Variants in CTNNBIP1 observed in about 807,000 individuals in gnomAD.
CTNNBIP1 encodes the protein beta-catenin-interacting protein 1.
In CTNNBIP1, 7 loss-of-function variants were observed where a neutral mutation model predicts 11.8. That is an observed-to-expected ratio of 0.60 (90% CI 0.34 to 1.12). The LOEUF (loss-of-function observed/expected upper bound fraction) is 1.12, where lower values mean the gene tolerates loss of function less well. CTNNBIP1 is among the 50% of genes most tolerant of loss of function. The pLI is 0.03. For missense variants in CTNNBIP1, 101 were observed against 113.4 expected (o/e 0.89, Z 0.50); for synonymous variants, 58 against 43.9 (o/e 1.32, Z -1.26).
intron 3 of CTNNBIP1, among the ~76,000 whole-genome samples, chr1:9,876,016 CA>C (rs773872472): frequency 5.9e-5 from 9 of 152,176 alleles, no homozygotes; most frequent in Non-Finnish European, 8.8e-5. Context: ...ATATTTTTAT[CA>C]CAATTCTGAC....
At chr1:9,860,578 C>G (rs1305341453) in intron 5 of CTNNBIP1, among the ~76,000 whole-genome samples, 1 of 147,260 alleles carries the variant, frequency 6.8e-6, no homozygotes. Context: ...CCACTGCATT[C>G]TGCATTCTGG....
At chr1:9,869,697 T>G (rs966968226) in intron 5 of CTNNBIP1, among the ~76,000 whole-genome samples, 1 of 152,146 alleles carries the variant, frequency 6.6e-6, no homozygotes, top group African/African-American at 2.4e-5. Context: ...CCCAAGAGTA[T>G]TCAACTGGAG....
intron 1 of CTNNBIP1, among the ~76,000 whole-genome samples, chr1:9,901,148 T>C (rs1356046059): frequency 6.6e-6 from 1 of 152,206 alleles, no homozygotes; most frequent in South Asian, 2.1e-4. Context: ...TAAAATGTCA[T>C]CTACCTGGAA....
chr1:9,883,173 C>T lies in CTNNBIP1; in HGVS notation c.-110+532G>A, dbSNP rs1639118668. Among the ~76,000 whole-genome samples, 2 of 152,156 alleles carry T rather than the reference C, an allele frequency of 1.3e-5. No homozygotes were observed. The highest frequency in any genetic ancestry group is 2.1e-4 in the South Asian group (1 of 4,834). ...AGCCTCTCTCTGGAAGGAAGTCCAA[C>T]CTGCCAAGCGGAGGGCATTGGGCCC... On this transcript the variant is annotated intron_variant, in intron 2 of 5. Transcript: ENST00000377263. This position sits in a 1 kb window ranked among gnomAD's most constrained non-coding sequence, Gnocchi z 5.6.
intron 5 of CTNNBIP1, among the ~76,000 whole-genome samples, chr1:9,856,357 AAAAT>A (rs1260731212): frequency 1.3e-5 from 2 of 152,082 alleles, no homozygotes; most frequent in South Asian, 2.1e-4. Flanking sequence ...GCAACAGAAA[AAAAT>A]AAATAAATAA....
chr1:9,850,808 G>A (rs1392529669), intron 5 of CTNNBIP1, 32 bp from the exon 6 acceptor site: 2 of 1,607,794 alleles, frequency 1.2e-6, no homozygotes, highest in Non-Finnish European at 1.7e-6. Context: ...TCGCTGATGG[G>A]GCTTGCAGCA....
At chr1:9,886,569 T>A (rs1251515621) in intron 1 of CTNNBIP1, among the ~76,000 whole-genome samples, 1 of 152,176 alleles carries the variant, frequency 6.6e-6, no homozygotes, top group Non-Finnish European at 1.5e-5. Flanking sequence ...CCTACAGGGC[T>A]TTACAAATGG....
At chr1:9,860,632 A>G (rs1317331331) in intron 5 of CTNNBIP1, among the ~76,000 whole-genome samples, 1 of 150,812 alleles carries the variant, frequency 6.6e-6, no homozygotes, top group Non-Finnish European at 1.5e-5. Context: ...AAAAAAAAAA[A>G]AAAGAAAAAA....
intron 1 of CTNNBIP1, among the ~76,000 whole-genome samples, chr1:9,895,639 G>A (rs1639394510): frequency 6.6e-6 from 1 of 151,952 alleles, no homozygotes; most frequent in East Asian, 1.9e-4. Context: ...GGGACTATAG[G>A]TGCACGCCAC....
intron 5 of CTNNBIP1, among the ~76,000 whole-genome samples, chr1:9,866,969 G>A (rs946272889): frequency 2.6e-5 from 4 of 152,112 alleles, no homozygotes; most frequent in East Asian, 1.9e-4. Context: ...CTCGGGCGCC[G>A]TGTACTTGCT....
chr1:9,855,898 AT>A (rs904250763), intron 5 of CTNNBIP1, among the ~76,000 whole-genome samples: 1 of 150,746 alleles, frequency 6.6e-6, no homozygotes, highest in African/African-American at 2.4e-5. Context: ...CGGCTAATTA[AT>A]TTTTTTTTGG....
chr1:9,891,408 A>T (rs1639297431), intron 1 of CTNNBIP1, among the ~76,000 whole-genome samples: 3 of 152,168 alleles, frequency 2.0e-5, no homozygotes, highest in African/African-American at 7.2e-5. Context: ...TAATTGGTTC[A>T]AACAAACAAG....
At position 9,867,158 on chromosome 1, in the gene CTNNBIP1, G is replaced by A. The variant is rs1255397818; in HGVS notation, c.187+4029C>T. Among the ~76,000 whole-genome samples, 2 of 152,304 alleles carry A rather than the reference G, an allele frequency of 1.3e-5. No homozygotes were observed. The highest frequency in any genetic ancestry group is 1.9e-4 in the East Asian group (1 of 5,184). ...GGATGACAGCCCTGATTGAGGGAAGGGAGTGGGAAACAGCCAGTGAGGGGT... is the reference window on the plus strand; with the variant it reads ...GGATGACAGCCCTGATTGAGGGAAGAGAGTGGGAAACAGCCAGTGAGGGGT... On this transcript the variant is annotated intron_variant, in intron 5 of 5. Transcript: ENST00000377263. The surrounding 1 kb of genome is among the most constrained non-coding windows in gnomAD (Gnocchi z 4.6).
intron 3 of CTNNBIP1, among the ~76,000 whole-genome samples, chr1:9,874,465 G>T (rs1255623945): frequency 6.6e-6 from 1 of 152,150 alleles, no homozygotes; most frequent in Non-Finnish European, 1.5e-5. Flanking sequence ...GCACAGCCAG[G>T]TTGGTCTCAA....
chr1:9,863,859 C>T (rs939099950), intron 5 of CTNNBIP1, among the ~76,000 whole-genome samples: 45 of 152,216 alleles, frequency 3.0e-4, no homozygotes, highest in African/African-American at 1.0e-3. Context: ...CCTAATAGGG[C>T]AGGGCCGCTG....
intron 2 of CTNNBIP1, among the ~76,000 whole-genome samples, chr1:9,878,387 C>A (rs796319484): frequency 2.6e-5 from 4 of 152,314 alleles, no homozygotes; most frequent in African/African-American, 7.2e-5. Flanking sequence ...GAGAATGCCC[C>A]ACCTACCAAA....
chr1:9,866,647 T>A (rs1487905521), intron 5 of CTNNBIP1, among the ~76,000 whole-genome samples: 3 of 147,850 alleles, frequency 2.0e-5, no homozygotes, highest in Admixed American at 6.8e-5. Context: ...GCCACTGCAC[T>A]CCAGCCTGGG....
chr1:9,882,711 A>G (rs1639109333), intron 2 of CTNNBIP1, among the ~76,000 whole-genome samples: 1 of 152,054 alleles, frequency 6.6e-6, no homozygotes, highest in South Asian at 2.1e-4. Flanking sequence ...GAGAAGAGCC[A>G]GGAGGAGTGT....
chr1:9,907,532 A>T (rs891043495), intron 1 of CTNNBIP1, among the ~76,000 whole-genome samples: 33 of 152,172 alleles, frequency 2.2e-4, no homozygotes, highest in African/African-American at 8.0e-4. Flanking sequence ...TACCATGAGA[A>T]CAGGCCCAAT....
Sources: gnomAD v4.1 joint callset for allele counts (sites outside exome capture counted in the v4.1 genomes callset) on GRCh38, gnomAD v4.1.1 for gene constraint, Gnocchi (gnomAD v3.1) non-coding constraint, MANE v1.5 for transcripts, NCBI Gene and HGNC (gene_info 2026-07-23, HGNC 2026-07-21) for gene names.